Variants in ENTPD1 observed in about 807,000 individuals in gnomAD.
ENTPD1 encodes the protein ectonucleoside triphosphate diphosphohydrolase 1.
ENTPD1 carries 33 observed loss-of-function variants against 57.0 expected under a neutral mutation model. The ratio of observed to expected loss-of-function variants is 0.58; its 90% CI spans 0.44 to 0.77. ENTPD1 has a LOEUF of 0.77. Among genes scored for constraint, ENTPD1 ranks in the 30% least tolerant of loss-of-function variants. The pLI, the probability that ENTPD1 is intolerant of heterozygous loss-of-function variation, is 0.00. For synonymous variants in ENTPD1, 202 were observed against 218.8 expected (o/e 0.92, Z 0.68); for missense variants, 501 against 603.4 (o/e 0.83, Z 1.78).
At chr10:95,858,312 G>A (rs545221331) in intron 7 of ENTPD1, among the ~76,000 whole-genome samples, 8 of 152,146 alleles carry the variant, frequency 5.3e-5, no homozygotes, top group Admixed American at 1.3e-4. Context: ...GGGAGGAAAG[G>A]CTTGGCGGGG....
intron 1 of ENTPD1, among the ~76,000 whole-genome samples, chr10:95,802,380 T>G (rs1206851342): frequency 1.3e-5 from 2 of 151,786 alleles, no homozygotes; most frequent in Non-Finnish European, 2.9e-5. Flanking sequence ...GTAAAATGTT[T>G]CTTTTCTTTT....
At chr10:95,730,220 TG>T (rs1274050078) in intron 1 of ENTPD1, among the ~76,000 whole-genome samples, 22 of 151,052 alleles carry the variant, frequency 1.5e-4, no homozygotes, top group African/African-American at 4.6e-4. Flanking sequence ...TGTGTTCTTT[TG>T]TTTTTTTTTT....
chr10:95,735,349 A>G (rs1289296802), intron 1 of ENTPD1, among the ~76,000 whole-genome samples: 1 of 152,178 alleles, frequency 6.6e-6, no homozygotes, highest in African/African-American at 2.4e-5. Context: ...GGAAATCAAG[A>G]TGTGTCTTTC....
Position 95,871,105 on chromosome 10 carries a change from CAT to C in ENTPD1, c.*4725_*4726del. 2.0e-6 allele frequency: 2 copies of C among 985,342 alleles called. No homozygotes were observed. Among genetic ancestry groups the C allele is most frequent in the Non-Finnish European group, 2.4e-6 (2 of 829,928 alleles). 61.0% of individuals were successfully genotyped at this position (985,342 alleles called of 1,614,324 possible). A position where few individuals can be genotyped will look rare whatever the true frequency, so the allele number is the denominator to read the frequency against. On this transcript the variant is annotated 3_prime_UTR_variant, in exon 10 of 10. Coordinates refer to ENST00000371205, the MANE Select transcript of ENTPD1 (RefSeq NM_001776.6). ...ACTTCTGTCACAGGCTATTGTAAGT[CAT>C]ATGAGCAAGCTCAATAAAATATAAA...
intron 1 of ENTPD1, among the ~76,000 whole-genome samples, chr10:95,809,614 GCGCTCCC>G (rs2098291773): frequency 7.4e-6 from 1 of 134,864 alleles, no homozygotes; most frequent in Non-Finnish European, 1.6e-5. Flanking sequence ...CCAGGCAGAG[GCGCTCCC>G]CACCTCCCAG....
rs1325718503 is a variant in ENTPD1 at position 95,869,538 on chromosome 10, C to T, written c.*3155C>T. ...GTGCTGGGATTACAGGAGTGAGCCA[C>T]CATGCCTGGCCAGAAGTGGTTACTT... is the stretch of plus-strand genomic sequence containing the variant. On this transcript the variant is annotated 3_prime_UTR_variant, in exon 10 of 10. Transcript: ENST00000371205. 3.0e-6 allele frequency: 3 copies of T among 985,038 alleles called. No homozygotes were observed. The African/African-American group carries it at 5.2e-5, about 17-fold the overall frequency. The allele number at this position is 985,038 out of a possible 1,614,324, so 61.0% of individuals were successfully genotyped here.
intron 1 of ENTPD1, among the ~76,000 whole-genome samples, chr10:95,771,862 G>A (rs2098116873): frequency 6.6e-6 from 1 of 152,030 alleles, no homozygotes; most frequent in Admixed American, 6.6e-5. Context: ...CTTCTTTTTA[G>A]CTTTACTGAT....
chr10:95,780,660 T>C (rs2098153683), intron 1 of ENTPD1, among the ~76,000 whole-genome samples: 1 of 152,222 alleles, frequency 6.6e-6, no homozygotes, highest in Non-Finnish European at 1.5e-5. Flanking sequence ...GCAATTCAGA[T>C]CATTGTGTCC....
chr10:95,725,315 A>G (rs1249544956), intron 1 of ENTPD1, among the ~76,000 whole-genome samples: 1 of 152,050 alleles, frequency 6.6e-6, no homozygotes, highest in South Asian at 2.1e-4. Flanking sequence ...GCTAAATCCT[A>G]TATATCTGGC....
At chr10:95,751,470 A>G (rs1404398095), upstream of ENTPD1, among the ~76,000 whole-genome samples, 1 of 152,236 alleles carries the variant, frequency 6.6e-6, no homozygotes, top group South Asian at 2.1e-4. Context: ...CTGTAATCCC[A>G]GGACTTTGGG....
At chr10:95,769,402 C>G (rs2098105842) in intron 1 of ENTPD1, among the ~76,000 whole-genome samples, 1 of 152,220 alleles carries the variant, frequency 6.6e-6, no homozygotes, top group Admixed American at 6.5e-5. Flanking sequence ...GAGGAACCAA[C>G]ATGTACAAAG....
At chr10:95,762,474 G>A (rs1361455602) in intron 1 of ENTPD1, among the ~76,000 whole-genome samples, 1 of 150,950 alleles carries the variant, frequency 6.6e-6, no homozygotes, top group African/African-American at 2.4e-5. Flanking sequence ...GTTATGAGAT[G>A]GCACCATGAT....
chr10:95,731,789 T>C (rs1385620515), intron 1 of ENTPD1, among the ~76,000 whole-genome samples: 1 of 136,860 alleles, frequency 7.3e-6, no homozygotes, highest in Non-Finnish European at 1.6e-5. Flanking sequence ...TCCTTTTTTT[T>C]TTTTTTTTTT....
intron 1 of ENTPD1, among the ~76,000 whole-genome samples, chr10:95,729,426 A>G (rs955550554): frequency 1.3e-5 from 2 of 152,148 alleles, no homozygotes; most frequent in African/African-American, 4.8e-5. Flanking sequence ...CTTCTTACCA[A>G]AGTTCAGGAG....
chr10:95,700,986 G>C, the ENTPD1 span, among the ~76,000 whole-genome samples: 2 of 152,098 alleles, frequency 1.3e-5, no homozygotes, highest in African/African-American at 4.8e-5. Context: ...TAGAGATGAG[G>C]TTTTGCCATG....
chr10:95,815,629 G>C (rs1008574751), intron 1 of ENTPD1, among the ~76,000 whole-genome samples: 5 of 152,216 alleles, frequency 3.3e-5, no homozygotes, highest in African/African-American at 1.2e-4. Context: ...CTTGAAGCCA[G>C]AATGCCCGTG....
At chr10:95,853,919 T>G (rs2098449886) in intron 7 of ENTPD1, among the ~76,000 whole-genome samples, 1 of 152,224 alleles carries the variant, frequency 6.6e-6, no homozygotes, top group Admixed American at 6.5e-5. Flanking sequence ...TCTGCCAAGC[T>G]TTGGTATCAG....
chr10:95,703,781 CA>C, the ENTPD1 span, among the ~76,000 whole-genome samples: 509 of 73,336 alleles, frequency 6.9e-3, 3 homozygotes, highest in Non-Finnish European at 9.7e-3. Context: ...GACTCTGTCT[CA>C]AAAAAAAAAA....
In ENTPD1 at chr10:95,875,895, T is replaced by C. The variant is rs1345517193; in HGVS notation, c.*9512T>C. 1 of 831,012 alleles carries C rather than the reference T, an allele frequency of 1.2e-6. No homozygotes were observed. Among genetic ancestry groups the C allele is most frequent in the African/African-American group, 1.8e-5 (1 of 54,208 alleles). 51.5% of individuals were successfully genotyped at this position (831,012 alleles called of 1,614,324 possible). A position where few individuals can be genotyped will look rare whatever the true frequency, so the allele number is the denominator to read the frequency against. ...CCCCCTTGATTCAATTACCTCCCCC[T>C]GGGTCCTGTGGGAATTCTGGAAGGT... On this transcript the variant is annotated 3_prime_UTR_variant, in exon 10 of 10. Transcript: ENST00000371205.
Sources: allele counts gnomAD v4.1 joint callset (sites outside exome capture counted in the v4.1 genomes callset), GRCh38; gene constraint gnomAD v4.1.1; transcripts MANE v1.5; gene names NCBI Gene and HGNC (gene_info 2026-07-23, HGNC 2026-07-21).